The following SOBP variants were observed in gnomAD, a reference collection of about 807,000 sequenced individuals.
The protein encoded by SOBP is sine oculis binding protein homolog, also known as sine oculis-binding protein homolog.
In SOBP, 4 loss-of-function variants were observed where a neutral mutation model predicts 53.6. The observed-to-expected ratio is 0.07, with a 90% CI of 0.04 to 0.17. The LOEUF is 0.17. Among genes scored for constraint, SOBP ranks in the 10% least tolerant of loss-of-function variants. The pLI is 1.00. For missense variants in SOBP, 1,088 were observed against 1,204.7 expected, an observed-to-expected ratio of 0.90 and a Z score of 1.43; for synonymous variants, 584 against 522.6, an observed-to-expected ratio of 1.12 and a Z score of -1.60.
intron 4 of SOBP, among the ~76,000 whole-genome samples, chr6:107,558,604 G>A (rs139116563): frequency 5.3e-5 from 8 of 152,014 alleles, no homozygotes; most frequent in East Asian, 1.9e-4. Flanking sequence ...GGGGCAGGGC[G>A]ATTTATGTAA....
Position 107,660,550 on chromosome 6 carries a change from G to C in SOBP, c.*2347G>C, listed in dbSNP as rs961804772. On this transcript the variant is annotated 3_prime_UTR_variant, in exon 7 of 7. Transcript: ENST00000317357. ...TCAAATGGAGGCAAACATGCTCCAC[G>C]GGTTCCACTCACATCCACACACCAT... is the stretch of plus-strand genomic sequence containing the variant. Among the ~76,000 whole-genome samples, 1 of 152,152 alleles carries C rather than the reference G, an allele frequency of 6.6e-6. No homozygotes were observed. Among genetic ancestry groups the C allele is most frequent in the Non-Finnish European group, 1.5e-5 (1 of 68,030 alleles).
chr6:107,552,232 T>C (rs995796610), intron 4 of SOBP, among the ~76,000 whole-genome samples: 1 of 152,314 alleles, frequency 6.6e-6, no homozygotes, highest in East Asian at 1.9e-4. Context: ...TCAACTTTCA[T>C]TGTGGGCTCT....
intron 3 of SOBP, chr6:107,514,823 G>A (rs1234753220): frequency 6.6e-6 from 1 of 152,162 alleles, no homozygotes; most frequent in Non-Finnish European, 1.5e-5. Context: ...TGATTTGAGA[G>A]GGTATGTTTT....
At chr6:107,620,297 T>C (rs970338956) in intron 5 of SOBP, among the ~76,000 whole-genome samples, 4 of 152,240 alleles carry the variant, frequency 2.6e-5, no homozygotes, top group African/African-American at 9.6e-5. Context: ...TTGTGACCTA[T>C]GCTTCCCTGT....
intron 6 of SOBP, among the ~76,000 whole-genome samples, chr6:107,639,376 G>A (rs1417062300): frequency 6.6e-6 from 1 of 152,028 alleles, no homozygotes; most frequent in Non-Finnish European, 1.5e-5. Flanking sequence ...CTGGTTACCT[G>A]CCTTTATGCA....
chr6:107,492,547 G>C (rs577356258), intron 1 of SOBP, among the ~76,000 whole-genome samples: 1 of 152,196 alleles, frequency 6.6e-6, no homozygotes, highest in Admixed American at 6.5e-5. Flanking sequence ...GGCTGCAGGC[G>C]CAGTCCGTGG....
chr6:107,521,943 C>CAT (rs1783507513), intron 3 of SOBP, among the ~76,000 whole-genome samples: 1 of 149,750 alleles, frequency 6.7e-6, no homozygotes, highest in African/African-American at 2.5e-5. Flanking sequence ...CACACACACA[C>CAT]ACACACACAC....
At chr6:107,630,098 A>G (rs564467066) in intron 5 of SOBP, among the ~76,000 whole-genome samples, 2 of 152,332 alleles carry the variant, frequency 1.3e-5, no homozygotes, top group Non-Finnish European at 2.9e-5. Context: ...GTGGAACCAA[A>G]GAGGCCAGAT....
rs776211482 is a variant in SOBP, at chr6:107,633,822, G to T, written c.978G>T (p.Pro326=). ...CTGGCCAAAGCCAGGGCCCTGGCCC[G>T]TCGGCGTCCACCACCGTCTCTCCAT... is the stretch of plus-strand genomic sequence containing the variant. ...ATAGQSQGPG[P]SASTTVSPSD... is the part of the protein sequence containing the mutation. Residue 326 remains proline, a synonymous_variant, in exon 6 of 7, where the codon CCG becomes CCT. Coordinates refer to ENST00000317357, the MANE Select transcript of SOBP (RefSeq NM_018013.4). The T allele has an allele frequency of 1.9e-6, 3 of 1,613,924 alleles. No individual in the cohort carries two copies. The highest frequency in any genetic ancestry group is 2.5e-6 in the Non-Finnish European group (3 of 1,179,978).
At chr6:107,629,547 G>A (rs1466988910) in intron 5 of SOBP, among the ~76,000 whole-genome samples, 1 of 152,156 alleles carries the variant, frequency 6.6e-6, no homozygotes, top group Non-Finnish European at 1.5e-5. Flanking sequence ...AAAAATAAAG[G>A]CTCAGTTGCC....
chr6:107,495,116 C>G (rs534134958), intron 1 of SOBP, among the ~76,000 whole-genome samples: 1 of 152,258 alleles, frequency 6.6e-6, no homozygotes, highest in East Asian at 1.9e-4. Flanking sequence ...GACTTAGGAC[C>G]CCAGATCCCA....
At chr6:107,616,772 C>T (rs768758227) in intron 5 of SOBP, among the ~76,000 whole-genome samples, 21 of 152,326 alleles carry the variant, frequency 1.4e-4, no homozygotes, top group Non-Finnish European at 2.8e-4. Context: ...CTGTAATCTC[C>T]GAAGCAGCGG....
chr6:107,530,329 A>G (rs1055034922), intron 3 of SOBP, among the ~76,000 whole-genome samples: 1 of 152,144 alleles, frequency 6.6e-6, no homozygotes, highest in Admixed American at 6.5e-5. Flanking sequence ...CATGCATTTC[A>G]TTTCCGTGTT....
intron 5 of SOBP, among the ~76,000 whole-genome samples, chr6:107,590,003 C>T (rs1486705609): frequency 3.9e-5 from 6 of 152,194 alleles, no homozygotes; most frequent in African/African-American, 1.4e-4. Context: ...CATTTAGAGC[C>T]AGCCATGGGT....
At chr6:107,499,113 A>G (rs1218477775) in intron 1 of SOBP, among the ~76,000 whole-genome samples, 1 of 152,216 alleles carries the variant, frequency 6.6e-6, no homozygotes, top group Admixed American at 6.5e-5. Flanking sequence ...CTTGCATGAT[A>G]TCTTTGCAGC....
intron 4 of SOBP, among the ~76,000 whole-genome samples, chr6:107,569,841 C>T (rs573834529): frequency 5.6e-4 from 86 of 152,330 alleles, no homozygotes; most frequent in African/African-American, 2.0e-3. Context: ...CCAGGCCTCG[C>T]CCCACCTGGG....
chr6:107,573,537 T>A (rs1024838661), intron 4 of SOBP, among the ~76,000 whole-genome samples: 1 of 152,228 alleles, frequency 6.6e-6, no homozygotes, highest in Non-Finnish European at 1.5e-5. Flanking sequence ...ATTTTGCTGA[T>A]GTTTAGGTTC....
chr6:107,580,840 G>A (rs533788645), intron 4 of SOBP, among the ~76,000 whole-genome samples: 3 of 152,274 alleles, frequency 2.0e-5, no homozygotes, highest in South Asian at 2.1e-4. Flanking sequence ...CGAATAGTTG[G>A]TGAAGGTCTA....
chr6:107,510,061 A>G (rs1013336223), intron 3 of SOBP, among the ~76,000 whole-genome samples: 1 of 152,204 alleles, frequency 6.6e-6, no homozygotes, highest in Non-Finnish European at 1.5e-5. Context: ...CATACTATCT[A>G]GGGCAGGGGT....
Sources: gnomAD v4.1 joint callset for allele counts (sites outside exome capture counted in the v4.1 genomes callset) on GRCh38, gnomAD v4.1.1 for gene constraint, MANE v1.5 for transcripts, NCBI Gene and HGNC (gene_info 2026-07-23, HGNC 2026-07-21) for gene names.